The following TARBP1 variants were observed in gnomAD, a reference collection of about 807,000 sequenced individuals.
TARBP1 encodes the protein tRNA (guanosine(18)-2'-O)-methyltransferase TARBP1.
TARBP1 carries 144 observed loss-of-function variants against 178.6 expected under a neutral mutation model. The observed-to-expected ratio is 0.81, with a 90% CI of 0.70 to 0.93. The LOEUF (loss-of-function observed/expected upper bound fraction) is 0.93. Among genes scored for constraint, TARBP1 ranks in the 40% least tolerant of loss-of-function variants. TARBP1 has a pLI of 0.00. For synonymous variants in TARBP1, 787 were observed against 781.0 expected, an observed-to-expected ratio of 1.01 and a Z score of -0.13; for missense variants, 2,067 against 2,011.7, an observed-to-expected ratio of 1.03 and a Z score of -0.53.
At chr1:234,408,964 C>T (rs770505029) in intron 23 of TARBP1, among the ~76,000 whole-genome samples, 4 of 152,182 alleles carry the variant, frequency 2.6e-5, no homozygotes, top group African/African-American at 7.2e-5. Context: ...TGTTTTGAAT[C>T]TCTAATTGCT....
intron 22 of TARBP1, among the ~76,000 whole-genome samples, 190 bp from the exon 23 acceptor site, chr1:234,410,721 A>G (rs565524688): frequency 2.0e-5 from 3 of 152,366 alleles, no homozygotes; most frequent in African/African-American, 7.2e-5. Flanking sequence ...AATATTTCCT[A>G]GAGCCAAATG....
Position 234,424,873 on chromosome 1 carries a change from C to T in TARBP1, c.3444+800G>A, listed in dbSNP as rs12058315. On this transcript the variant is annotated intron_variant, in intron 20 of 29. Transcript: ENST00000040877. The stretch of plus-strand genomic sequence containing the variant: ...GGTCGGGAGTTCGAGACCAGCCTGA[C>T]CAACATGGAGAAACCCCGTCTCTAC... Among the ~76,000 whole-genome samples, 987 of 152,176 alleles carry T rather than the reference C, an allele frequency of 6.5e-3. 11 individuals are homozygous for T. Among genetic ancestry groups the T allele is most frequent in the African/African-American group, 0.02 (823 of 41,506 alleles).
chr1:234,424,524 C>T (rs998211202), intron 20 of TARBP1, among the ~76,000 whole-genome samples: 9 of 152,326 alleles, frequency 5.9e-5, no homozygotes, highest in African/African-American at 2.2e-4. Context: ...TAATCTTTCA[C>T]GGGCTCTCAA....
chr1:234,402,738 C>T (rs148234730), intron 24 of TARBP1, among the ~76,000 whole-genome samples: 1 of 152,134 alleles, frequency 6.6e-6, no homozygotes, highest in Non-Finnish European at 1.5e-5. Context: ...CCATACCCCG[C>T]TAACTTTTTT....
At chr1:234,412,817 A>G (rs1461536425) in intron 22 of TARBP1, among the ~76,000 whole-genome samples, 1 of 152,162 alleles carries the variant, frequency 6.6e-6, no homozygotes, top group African/African-American at 2.4e-5. Flanking sequence ...TCAGTGTGGT[A>G]CTCAGTTATC....
chr1:234,474,369 AG>A (rs1027914969), intron 1 of TARBP1, among the ~76,000 whole-genome samples: 1 of 152,108 alleles, frequency 6.6e-6, no homozygotes, highest in Non-Finnish European at 1.5e-5. Flanking sequence ...AAGAAAGTCC[AG>A]GAAGTTCAAT....
chr1:234,470,505 G>A (rs1040673635), intron 3 of TARBP1, among the ~76,000 whole-genome samples: 2 of 152,010 alleles, frequency 1.3e-5, no homozygotes, highest in Non-Finnish European at 2.9e-5. Context: ...TGGTAGGTGC[G>A]TCACACACAC....
rs74147466 is a variant in TARBP1, at chr1:234,418,787, C to A, written c.3556-554G>T. 3.7e-3 allele frequency among the ~76,000 whole-genome samples: 561 copies of A among 152,326 alleles called. 2 individuals carry two copies. The highest frequency in any genetic ancestry group is 0.027 in the South Asian group (131 of 4,824). Reference sequence around the variant, plus strand: ...CCAAAATCATCTTTCCCTCTTCCAACCTCTCCTCTTCAAAACTGTATTTCT... The same window carrying A: ...CCAAAATCATCTTTCCCTCTTCCAAACTCTCCTCTTCAAAACTGTATTTCT... On this transcript the variant is annotated intron_variant, in intron 21 of 29. Coordinates refer to ENST00000040877, the MANE Select transcript of TARBP1 (RefSeq NM_005646.4).
Position 234,478,566 on chromosome 1 carries a change from C to A in TARBP1, c.538G>T (p.Glu180Ter). 7.7e-7 allele frequency: 1 copy of A among 1,296,710 alleles called. No individual in the cohort carries two copies. Among genetic ancestry groups the A allele is most frequent in the Admixed American group, 3.9e-5 (1 of 25,942 alleles). 80.3% of individuals were successfully genotyped at this position (1,296,710 alleles called of 1,614,324 possible). Residue 180 changes from glutamate to a stop codon, truncating the protein, a stop_gained, in exon 1 of 30, where the codon GAG becomes TAG. Coordinates refer to ENST00000040877, the MANE Select transcript of TARBP1 (RefSeq NM_005646.4). LOFTEE classifies it high-confidence loss of function. ...LALGGGGDGD[E>*]AGPAEDAAAL... ...GCCGCGTCCTCGGCAGGCCCGGCCTCATCCCCGTCCCCGCCCCCGCCCAGC... is the reference window on the plus strand; with the variant it reads ...GCCGCGTCCTCGGCAGGCCCGGCCTAATCCCCGTCCCCGCCCCCGCCCAGC...
intron 14 of TARBP1, among the ~76,000 whole-genome samples, chr1:234,430,718 A>T (rs375190085): frequency 1.3e-5 from 1 of 76,628 alleles, no homozygotes; most frequent in Admixed American, 1.3e-4. Flanking sequence ...GAAACATGTT[A>T]AAAAAAAAAA....
At chr1:234,447,142 G>A (rs879005855) in intron 11 of TARBP1, among the ~76,000 whole-genome samples, 167 bp from the exon 12 acceptor site, 3 of 152,000 alleles carry the variant, frequency 2.0e-5, no homozygotes, top group Admixed American at 2.0e-4. Flanking sequence ...CTTCTGGTCC[G>A]TGCTTTCCCG....
intron 24 of TARBP1, among the ~76,000 whole-genome samples, chr1:234,403,209 T>C (rs1425939579): frequency 1.3e-5 from 2 of 152,186 alleles, no homozygotes; most frequent in African/African-American, 4.8e-5. Flanking sequence ...GACTGCTCTG[T>C]TGCTTCCCTC....
chr1:234,429,391 C>T (rs752308925), intron 16 of TARBP1, 25 bp downstream of exon 16: 3 of 1,588,364 alleles, frequency 1.9e-6, no homozygotes, highest in Non-Finnish European at 2.6e-6. Context: ...AGTTACTGTT[C>T]AATTCATGTT....
intron 26 of TARBP1, among the ~76,000 whole-genome samples, chr1:234,395,756 G>A (rs1381949590): frequency 6.6e-6 from 1 of 152,210 alleles, no homozygotes; most frequent in African/African-American, 2.4e-5. Context: ...TGAAGAGTGA[G>A]AAGAAGACTG....
chr1:234,452,377 G>A (rs766541838), intron 9 of TARBP1, among the ~76,000 whole-genome samples: 5 of 152,138 alleles, frequency 3.3e-5, no homozygotes, highest in East Asian at 3.9e-4. Flanking sequence ...AAACCTCACC[G>A]TAAGAAAACA....
At chr1:234,452,058 C>G (rs1447224473) in intron 9 of TARBP1, among the ~76,000 whole-genome samples, 4 of 152,120 alleles carry the variant, frequency 2.6e-5, no homozygotes, top group African/African-American at 9.7e-5. Flanking sequence ...TCTGCTGTAT[C>G]AAAATTATTT....
chr1:234,452,484 A>G (rs1166730425), intron 9 of TARBP1, among the ~76,000 whole-genome samples: 1 of 152,200 alleles, frequency 6.6e-6, no homozygotes, highest in Non-Finnish European at 1.5e-5. Context: ...AGTATCATCT[A>G]TTTTCAGGGA....
At position 234,391,809 on chromosome 1, in the gene TARBP1, C is replaced by A. The variant is rs1476556709; in HGVS notation, c.4698-64G>T. On this transcript the variant is annotated intron_variant, in intron 29 of 29. Coordinates refer to ENST00000040877, the MANE Select transcript of TARBP1 (RefSeq NM_005646.4). ...ACAAACAATTTTTCTCTTTGATATT[C>A]TTTTTATTTTTTGTTTATTCACTTA... 2.7e-6 allele frequency: 4 copies of A among 1,496,946 alleles called. No homozygotes were observed. In the African/African-American group the frequency reaches 5.7e-5, roughly 21 times the overall value. The allele number at this position is 1,496,946 out of a possible 1,614,324, so 92.7% of individuals were successfully genotyped here.
intron 28 of TARBP1, among the ~76,000 whole-genome samples, chr1:234,392,971 G>A (rs1442660563): frequency 6.6e-6 from 1 of 151,918 alleles, no homozygotes; most frequent in Non-Finnish European, 1.5e-5. Context: ...CGCCCGCCTC[G>A]GCCTCCCAAA....
Sources: gnomAD v4.1 joint callset for allele counts (sites outside exome capture counted in the v4.1 genomes callset) on GRCh38, gnomAD v4.1.1 for gene constraint, MANE v1.5 for transcripts, NCBI Gene and HGNC (gene_info 2026-07-23, HGNC 2026-07-21) for gene names.